The following ASTN2 variants were observed in gnomAD, a reference collection of about 807,000 sequenced individuals.
ASTN2 encodes astrotactin 2.
A neutral mutation model predicts 139.8 loss-of-function variants in ASTN2; 54 were observed. That is an observed-to-expected ratio of 0.39 (90% CI 0.31 to 0.48). The LOEUF (loss-of-function observed/expected upper bound fraction) is 0.48. Among genes scored for constraint, ASTN2 ranks in the 20% least tolerant of loss-of-function variants. The pLI is 0.95. For missense variants in ASTN2, 1,565 were observed against 1,725.1 expected (o/e 0.91, Z 1.64); for synonymous variants, 756 against 719.5 (o/e 1.05, Z -0.81).
rs554204831 is a variant in ASTN2, at chr9:117,020,782, G to A, written c.1424-12523C>T. On this transcript the variant is annotated intron_variant, in intron 6 of 22. Coordinates refer to ENST00000313400, the MANE Select transcript of ASTN2 (RefSeq NM_001365068.1). ...TTAAAATGGCATCTCTAAGCACAGC[G>A]TTTGGCCCTTAGCGTGCAATCAGTA... Among the ~76,000 whole-genome samples the A allele has an allele frequency of 4.6e-5, 7 of 152,234 alleles. No homozygotes were observed. The South Asian group carries it at 6.2e-4, about 14-fold the overall frequency.
intron 3 of ASTN2, among the ~76,000 whole-genome samples, chr9:117,153,298 C>T (rs900964580): frequency 6.6e-6 from 1 of 152,050 alleles, no homozygotes; most frequent in African/African-American, 2.4e-5. Context: ...GTCACCTTAA[C>T]TCCTACAGCC....
chr9:116,492,200 G>A (rs1186389861), intron 19 of ASTN2, among the ~76,000 whole-genome samples: 1 of 151,596 alleles, frequency 6.6e-6, no homozygotes, highest in African/African-American at 2.4e-5. Context: ...TCCTGCCTCA[G>A]CCTCCCGAGT....
At chr9:116,427,193 G>T (rs1847335762) in intron 22 of ASTN2, among the ~76,000 whole-genome samples, 1 of 152,134 alleles carries the variant, frequency 6.6e-6, no homozygotes, top group South Asian at 2.1e-4. Context: ...ACATTTAGCA[G>T]CATCCCAGGG....
At position 117,214,388 on chromosome 9, in the gene ASTN2, C is replaced by T; in HGVS notation, c.985G>A (p.Gly329Arg). 6.3e-7 allele frequency: 1 copy of T among 1,594,648 alleles called. No individual in the cohort carries two copies. Residue 329 changes from glycine (G) to arginine (R), a missense_variant, in exon 3 of 23, where the codon GGG becomes AGG. Gly to Arg is a moderately radical substitution (Grantham distance 125). Transcript: ENST00000313400. The part of the protein sequence containing the change: ...THTLDSLGHP[G>R]EEKVDFEKKA... ...TTCTCAAAGTCCACCTTCTCTTCCC[C>T]TGGATGTCCCAGACTGTCCAGAGTG... is the stretch of plus-strand genomic sequence containing the variant.
chr9:117,309,482 C>G (rs111997060), intron 1 of ASTN2, among the ~76,000 whole-genome samples: 2 of 152,060 alleles, frequency 1.3e-5, no homozygotes, highest in Non-Finnish European at 2.9e-5. Flanking sequence ...GCAGGCCATG[C>G]GTTTTTAAGA....
chr9:116,762,612 T>C (rs1829702428), intron 13 of ASTN2, among the ~76,000 whole-genome samples: 2 of 152,246 alleles, frequency 1.3e-5, no homozygotes, highest in Non-Finnish European at 2.9e-5. Flanking sequence ...GGAAAAAAAT[T>C]AAAAGGTAAT....
chr9:117,141,392 C>T lies in ASTN2; in HGVS notation c.1102G>A (p.Gly368Ser), dbSNP rs551811403. ...CTGCGCAGGGGTGGTTGCAGCTGAC[C>T]GATCTCGATGGGCGTGTTAGCGCGG... ...SFRANTPIEI[G>S]QLQPPLRSTS... Residue 368 changes from glycine to serine, a missense_variant, in exon 4 of 23, where the codon GGT becomes AGT. Transcript: ENST00000313400. 2.2e-6 allele frequency: 3 copies of T among 1,367,544 alleles called. No individual in the cohort carries two copies. The highest frequency in any genetic ancestry group is 9.1e-5 in the East Asian group (2 of 21,946). 84.7% of individuals were successfully genotyped at this position (1,367,544 alleles called of 1,614,324 possible).
chr9:116,658,685 T>C (rs576727042), intron 16 of ASTN2, among the ~76,000 whole-genome samples: 16 of 146,566 alleles, frequency 1.1e-4, no homozygotes, highest in African/African-American at 3.5e-4. Context: ...CAAAGCCAGG[T>C]AAAATAATTC....
At chr9:117,200,231 CT>C (rs1482180368) in intron 3 of ASTN2, among the ~76,000 whole-genome samples, 15 of 145,960 alleles carry the variant, frequency 1.0e-4, no homozygotes, top group Non-Finnish European at 1.8e-4. Flanking sequence ...TCCCTCCCCC[CT>C]CCCCCTACCC....
intron 7 of ASTN2, among the ~76,000 whole-genome samples, chr9:116,997,128 A>T (rs1044908127): frequency 6.6e-6 from 1 of 152,112 alleles, no homozygotes; most frequent in South Asian, 2.1e-4. Context: ...GTTGCCTTGG[A>T]CTTTCAATGG....
intron 3 of ASTN2, among the ~76,000 whole-genome samples, chr9:117,182,348 C>A (rs1233169935): frequency 7.1e-6 from 1 of 141,142 alleles, no homozygotes; most frequent in African/African-American, 2.6e-5. Flanking sequence ...CACACACAAA[C>A]ACATACCCCA....
At chr9:117,123,871 A>C (rs1032252498) in intron 4 of ASTN2, among the ~76,000 whole-genome samples, 1 of 152,174 alleles carries the variant, frequency 6.6e-6, no homozygotes, top group Non-Finnish European at 1.5e-5. Flanking sequence ...CACTGTATCA[A>C]ATGAGTATGA....
intron 2 of ASTN2, among the ~76,000 whole-genome samples, chr9:117,249,830 C>G (rs1833488714): frequency 6.6e-6 from 1 of 152,034 alleles, no homozygotes; most frequent in Non-Finnish European, 1.5e-5. Context: ...ACACCTATGC[C>G]CTTATCCTGT....
chr9:117,299,223 CACTTT>C (rs1834815240), intron 1 of ASTN2, among the ~76,000 whole-genome samples: 1 of 152,164 alleles, frequency 6.6e-6, no homozygotes, highest in Non-Finnish European at 1.5e-5. Flanking sequence ...TATTCTCATT[CACTTT>C]TCTCTACGTT....
chr9:116,657,506 C>G (rs1199072015), intron 16 of ASTN2, among the ~76,000 whole-genome samples: 1 of 152,132 alleles, frequency 6.6e-6, no homozygotes, highest in South Asian at 2.1e-4. Context: ...GAAATCTAAC[C>G]AATTTCACAA....
At chr9:117,076,416 G>A (rs927759541) in intron 5 of ASTN2, among the ~76,000 whole-genome samples, 1 of 151,666 alleles carries the variant, frequency 6.6e-6, no homozygotes, top group South Asian at 2.1e-4. Context: ...AAGAGGGGGG[G>A]ATAGAAGAAG....
chr9:117,093,169 T>C (rs537526895), intron 5 of ASTN2, among the ~76,000 whole-genome samples: 1 of 152,214 alleles, frequency 6.6e-6, no homozygotes, highest in African/African-American at 2.4e-5. Context: ...GAGATCTGGA[T>C]AACAAAAGAG....
intron 19 of ASTN2, among the ~76,000 whole-genome samples, chr9:116,554,280 C>T (rs1264708263): frequency 1.3e-5 from 2 of 151,944 alleles, no homozygotes; most frequent in African/African-American, 2.4e-5. Flanking sequence ...AGACCCTATA[C>T]GTGGAAGGTG....
chr9:117,159,550 A>G (rs1830502376), intron 3 of ASTN2, among the ~76,000 whole-genome samples: 1 of 152,018 alleles, frequency 6.6e-6, no homozygotes, highest in Non-Finnish European at 1.5e-5. Flanking sequence ...ATTTTTGGGT[A>G]TTGAAAAAAT....
Sources: allele counts gnomAD v4.1 joint callset (sites outside exome capture counted in the v4.1 genomes callset), GRCh38; gene constraint gnomAD v4.1.1; transcripts MANE v1.5; gene names NCBI Gene and HGNC (gene_info 2026-07-23, HGNC 2026-07-21).